Variants in FAT3 observed in about 807,000 individuals in gnomAD.
FAT3 encodes protocadherin Fat 3.
FAT3 carries 95 observed loss-of-function variants against 310.2 expected under a neutral mutation model. The observed-to-expected ratio is 0.31, with a 90% CI of 0.26 to 0.36. The LOEUF (loss-of-function observed/expected upper bound fraction) is 0.36, where lower values mean the gene tolerates loss of function less well. Among genes scored for constraint, FAT3 ranks in the 10% least tolerant of loss-of-function variants. The probability of loss-of-function intolerance (pLI) is 1.00; values close to 1 mark genes in which losing one functional copy is unlikely to be tolerated. For missense variants in FAT3, 5,408 were observed against 5,715.6 expected (o/e 0.95, Z 1.74); for synonymous variants, 2,314 against 2,192.9 (o/e 1.06, Z -1.54).
chr11:92,248,654 A>C (rs1865021507), intron 1 of FAT3, among the ~76,000 whole-genome samples: 1 of 152,178 alleles, frequency 6.6e-6, no homozygotes, highest in South Asian at 2.1e-4. Flanking sequence ...GTCATTGTAG[A>C]AAATAGTAGA....
intron 7 of FAT3, among the ~76,000 whole-genome samples, chr11:92,777,906 A>G (rs2136125047): frequency 6.6e-6 from 1 of 152,172 alleles, no homozygotes; most frequent in South Asian, 2.1e-4. Context: ...AGCTTCTCTG[A>G]GGCAAACATG....
chr11:92,421,759 A>T (rs529729382), intron 2 of FAT3, among the ~76,000 whole-genome samples: 1 of 152,308 alleles, frequency 6.6e-6, no homozygotes, highest in East Asian at 1.9e-4. Flanking sequence ...GGACTGAGTC[A>T]ACTCTCCGTC....
chr11:92,760,508 C>G (rs540769850), intron 4 of FAT3, among the ~76,000 whole-genome samples: 1 of 152,290 alleles, frequency 6.6e-6, no homozygotes, highest in East Asian at 1.9e-4. Context: ...CTGTTTCATT[C>G]AAGCTAATGA....
chr11:92,458,983 T>G (rs1214641442), intron 2 of FAT3, among the ~76,000 whole-genome samples: 1 of 152,196 alleles, frequency 6.6e-6, no homozygotes, highest in Non-Finnish European at 1.5e-5. Flanking sequence ...TGCAACTACT[T>G]ATTATAATGT....
At chr11:92,229,803 T>C (rs996906471) in intron 1 of FAT3, among the ~76,000 whole-genome samples, 41 of 151,004 alleles carry the variant, frequency 2.7e-4, no homozygotes, top group Middle Eastern at 3.4e-3. Context: ...TTCTTTTTTT[T>C]TTTTTTTTTC....
chr11:92,636,523 A>G (rs1941773004), intron 3 of FAT3, among the ~76,000 whole-genome samples: 1 of 152,228 alleles, frequency 6.6e-6, no homozygotes, highest in African/African-American at 2.4e-5. Context: ...GATCATCTTA[A>G]TTGTTGGGCA....
chr11:92,360,335 C>G (rs1284849001), intron 2 of FAT3, among the ~76,000 whole-genome samples: 1 of 152,206 alleles, frequency 6.6e-6, no homozygotes, highest in Non-Finnish European at 1.5e-5. Flanking sequence ...TTGCTATGCA[C>G]AAGCATTTAA....
chr11:92,729,913 C>A (rs1464586126), intron 4 of FAT3, among the ~76,000 whole-genome samples: 1 of 152,136 alleles, frequency 6.6e-6, no homozygotes, highest in Non-Finnish European at 1.5e-5. Context: ...TTAGTAAATT[C>A]TATGCTCAGA....
rs774263472 is a variant in FAT3 at position 92,800,546 on chromosome 11, A to G, written c.7533A>G (p.Ala2511=). Residue 2511 remains alanine (A), a synonymous_variant, in exon 10 of 28, where the codon GCA becomes GCG. Transcript: ENST00000525166. ...CTGAGGTGAGAGAGAACGTGGCTGC[A>G]GGAACAAAGGTAATTCATGTTCGAG... ...YVAEVRENVA[A]GTKVIHVRAT... 6.2e-7 allele frequency: 1 copy of G among 1,613,864 alleles called. No individual in the cohort carries two copies. The highest frequency in any genetic ancestry group is 1.1e-5 in the South Asian group (1 of 91,040).
intron 3 of FAT3, among the ~76,000 whole-genome samples, chr11:92,537,144 A>G (rs917756149): frequency 1.3e-5 from 2 of 152,090 alleles, no homozygotes; most frequent in Non-Finnish European, 2.9e-5. Context: ...ATCCATTTCA[A>G]CCTAACCCTG....
chr11:92,233,962 C>T (rs1440779145), intron 1 of FAT3, among the ~76,000 whole-genome samples: 3 of 152,138 alleles, frequency 2.0e-5, no homozygotes, highest in Non-Finnish European at 4.4e-5. Context: ...TATTTTACCT[C>T]ATATCCAAAG....
chr11:92,471,914 G>GATATATATAT (rs1591334645), intron 2 of FAT3, among the ~76,000 whole-genome samples: 2 of 62,914 alleles, frequency 3.2e-5, no homozygotes, highest in African/African-American at 9.6e-5. Flanking sequence ...CTTTTCATAT[G>GATATATATAT]CTATATATAT....
chr11:92,626,195 T>C (rs1324493237), intron 3 of FAT3, among the ~76,000 whole-genome samples: 1 of 152,200 alleles, frequency 6.6e-6, no homozygotes, highest in Non-Finnish European at 1.5e-5. Flanking sequence ...TCTCCTCAGT[T>C]TAAGAAAGGC....
chr11:92,248,358 A>G (rs911066295), intron 1 of FAT3, among the ~76,000 whole-genome samples: 2 of 152,138 alleles, frequency 1.3e-5, no homozygotes, highest in Non-Finnish European at 2.9e-5. Flanking sequence ...TGTCTCATAC[A>G]GATGGCATTA....
chr11:92,437,048 T>C (rs996123697), intron 2 of FAT3, among the ~76,000 whole-genome samples: 2 of 152,186 alleles, frequency 1.3e-5, no homozygotes, highest in Non-Finnish European at 2.9e-5. Flanking sequence ...TGAGTAGTAA[T>C]AGCAATGACA....
At chr11:92,873,819 G>C (rs1672212424) in intron 22 of FAT3, among the ~76,000 whole-genome samples, 1 of 152,202 alleles carries the variant, frequency 6.6e-6, no homozygotes, top group African/African-American at 2.4e-5. Flanking sequence ...GCCAGGATTT[G>C]AGGGGAAAGA....
intron 2 of FAT3, among the ~76,000 whole-genome samples, chr11:92,433,835 C>T (rs1950858814): frequency 6.6e-6 from 1 of 150,668 alleles, no homozygotes; most frequent in South Asian, 2.1e-4. Flanking sequence ...ATGGTGAAAC[C>T]CCATCTCTGC....
At chr11:92,234,626 A>G (rs2508594) in intron 1 of FAT3, among the ~76,000 whole-genome samples, 84,502 of 151,874 alleles carry the variant, frequency 0.56, 24,017 homozygotes, top group East Asian at 0.8. Flanking sequence ...AAAAATTGCC[A>G]GGCACGGTGG....
At chr11:92,772,740 A>T (rs888435508) in intron 6 of FAT3, among the ~76,000 whole-genome samples, 2 of 152,166 alleles carry the variant, frequency 1.3e-5, no homozygotes, top group African/African-American at 4.8e-5. Context: ...TTAAGTGTAT[A>T]TGACAGCTGC....
Sources: allele counts gnomAD v4.1 joint callset (sites outside exome capture counted in the v4.1 genomes callset), GRCh38; gene constraint gnomAD v4.1.1; transcripts MANE v1.5; gene names NCBI Gene and HGNC (gene_info 2026-07-23, HGNC 2026-07-21).